OR1J2: variants seen among roughly 807,000 people sequenced by gnomAD.
OR1J2 encodes the protein olfactory receptor 1J2.
For missense variants in OR1J2, 304 were observed against 246.1 expected (o/e 1.24, Z -1.57); for synonymous variants, 142 against 99.7 (o/e 1.42, Z -2.52).
chr9:122,522,583 A>ATG, the OR1J2 span, among the ~76,000 whole-genome samples: 35,654 of 150,454 alleles, frequency 0.24, 4,622 homozygotes, highest in African/African-American at 0.33. Flanking sequence ...AACTGTGTGC[A>ATG]TGTGTGTGTG....
the OR1J2 span, among the ~76,000 whole-genome samples, chr9:122,534,487 A>T: frequency 2.0e-5 from 3 of 152,136 alleles, no homozygotes; most frequent in Non-Finnish European, 4.4e-5. Context: ...ATTAACCTTG[A>T]CTATGCCTTT....
the OR1J2 span, among the ~76,000 whole-genome samples, chr9:122,533,080 C>T: frequency 1.6e-4 from 24 of 151,914 alleles, no homozygotes; most frequent in East Asian, 4.3e-3. Flanking sequence ...GAAGAGAGGC[C>T]GGGATGAAGG....
chr9:122,512,826 G>A (rs1828655706), downstream of OR1J2, among the ~76,000 whole-genome samples: 1 of 152,162 alleles, frequency 6.6e-6, no homozygotes, highest in Admixed American at 6.5e-5. Flanking sequence ...AGTGTGCCAT[G>A]TAACTTTTCT....
the OR1J2 span, among the ~76,000 whole-genome samples, chr9:122,547,127 T>A: frequency 2.9e-4 from 40 of 136,288 alleles, 1 homozygote; most frequent in African/African-American, 6.5e-4. Context: ...CATAAAAAAA[T>A]AATAATTTAA....
chr9:122,561,543 T>C, the OR1J2 span, among the ~76,000 whole-genome samples: 2 of 152,296 alleles, frequency 1.3e-5, no homozygotes, highest in South Asian at 4.1e-4. Flanking sequence ...TTTTTGTTCA[T>C]GCTGTTGTTG....
At chr9:122,452,993 A>C in the OR1J2 span, among the ~76,000 whole-genome samples, 4 of 144,050 alleles carry the variant, frequency 2.8e-5, no homozygotes, top group Admixed American at 3.0e-4. Flanking sequence ...ACGCCATTGC[A>C]CTCCAGACTG....
the OR1J2 span, among the ~76,000 whole-genome samples, chr9:122,545,603 G>A: frequency 6.6e-6 from 1 of 152,042 alleles, no homozygotes; most frequent in Non-Finnish European, 1.5e-5. Context: ...TTGTCTTGAA[G>A]TCTATATTGT....
the OR1J2 span, among the ~76,000 whole-genome samples, chr9:122,501,322 C>A: frequency 6.6e-6 from 1 of 152,016 alleles, no homozygotes; most frequent in African/African-American, 2.4e-5. Flanking sequence ...AGGCAGCTGC[C>A]CCTGTAGACA....
the OR1J2 span, among the ~76,000 whole-genome samples, chr9:122,482,122 G>A: frequency 1.3e-4 from 20 of 152,054 alleles, no homozygotes; most frequent in Admixed American, 1.2e-3. Context: ...GTCTGACAAG[G>A]GGTTAATATC....
At chr9:122,476,898 G>A in the OR1J2 span, 1 of 729,224 alleles carries the variant, frequency 1.4e-6, no homozygotes, top group Middle Eastern at 3.2e-4. Context: ...AGTAGAGACT[G>A]GGTTTCGCCA....
the OR1J2 span, chr9:122,477,591 A>G: frequency 6.2e-7 from 1 of 1,614,162 alleles, no homozygotes; most frequent in Admixed American, 1.7e-5. Context: ...TGATAAGGAA[A>G]CTGTCTAAGT....
the OR1J2 span, among the ~76,000 whole-genome samples, chr9:122,579,451 G>A: frequency 6.6e-6 from 1 of 152,126 alleles, no homozygotes; most frequent in Non-Finnish European, 1.5e-5. Context: ...AGAGAGAATT[G>A]AAGTCATTTC....
the OR1J2 span, among the ~76,000 whole-genome samples, chr9:122,485,347 T>C: frequency 1.3e-5 from 2 of 152,206 alleles, no homozygotes; most frequent in African/African-American, 4.8e-5. Context: ...GCTAAAGGCT[T>C]TCCGCACAGA....
At chr9:122,547,620 A>AGTGTGTGTGTGTGTGT in the OR1J2 span, among the ~76,000 whole-genome samples, 5 of 142,986 alleles carry the variant, frequency 3.5e-5, no homozygotes, top group African/African-American at 7.8e-5. Context: ...GTAGTAGTTC[A>AGTGTGTGTGTGTGTGT]GTGTGTGTGT....
the OR1J2 span, among the ~76,000 whole-genome samples, chr9:122,476,682 G>GT: frequency 1.6e-4 from 24 of 151,008 alleles, no homozygotes; most frequent in Admixed American, 4.6e-4. Flanking sequence ...TAGAATAATG[G>GT]TTTTTTTTTA....
At chr9:122,464,325 G>A in the OR1J2 span, among the ~76,000 whole-genome samples, 5 of 152,230 alleles carry the variant, frequency 3.3e-5, no homozygotes, top group Non-Finnish European at 5.9e-5. Flanking sequence ...CCCGCCAGCA[G>A]CAGCGAGTTT....
At chr9:122,499,327 G>C in the OR1J2 span, among the ~76,000 whole-genome samples, 14 of 152,350 alleles carry the variant, frequency 9.2e-5, no homozygotes, top group South Asian at 2.9e-3. Flanking sequence ...TTTAATCCAG[G>C]AGAGTAAGGG....
the OR1J2 span, among the ~76,000 whole-genome samples, chr9:122,569,654 A>T: frequency 1.4e-5 from 2 of 147,062 alleles, no homozygotes; most frequent in Non-Finnish European, 3.0e-5. Context: ...TGTTTGAAAC[A>T]ACTTCATTTT....
chr9:122,452,205 G>C, the OR1J2 span, among the ~76,000 whole-genome samples: 1 of 152,062 alleles, frequency 6.6e-6, no homozygotes, highest in Non-Finnish European at 1.5e-5. Flanking sequence ...AGTAACTCAG[G>C]TTCCAGGTAT....
Sources: allele counts gnomAD v4.1 joint callset (sites outside exome capture counted in the v4.1 genomes callset), GRCh38; gene constraint gnomAD v4.1.1; transcripts MANE v1.5; gene names NCBI Gene and HGNC (gene_info 2026-07-23, HGNC 2026-07-21).